RIPK4: variants seen among roughly 807,000 people sequenced by gnomAD.
RIPK4 encodes receptor-interacting serine/threonine-protein kinase 4.
Under a neutral mutation model 42.9 loss-of-function variants are expected in RIPK4, and 17 were observed. The observed-to-expected ratio is 0.40, with a 90% confidence interval of 0.27 to 0.59. The LOEUF (loss-of-function observed/expected upper bound fraction) is 0.59. RIPK4 is among the 20% of genes least tolerant of loss of function. The pLI, the probability that RIPK4 is intolerant of heterozygous loss-of-function variation, is 0.47. For synonymous variants in RIPK4, 498 were observed against 499.1 expected (o/e 1.00, Z 0.03); for missense variants, 897 against 1,104.4 (o/e 0.81, Z 2.66).
At chr21:41,763,836 C>T (rs570439051) in intron 1 of RIPK4, among the ~76,000 whole-genome samples, 18 of 152,318 alleles carry the variant, frequency 1.2e-4, no homozygotes, top group East Asian at 7.7e-4. Context: ...GCCGGCGCCC[C>T]GCAGGCACTG....
intron 1 of RIPK4, among the ~76,000 whole-genome samples, chr21:41,765,189 A>T (rs995226316): frequency 2.0e-5 from 3 of 152,212 alleles, no homozygotes; most frequent in African/African-American, 7.2e-5. Flanking sequence ...ATTTTCACTG[A>T]TGATTAAAGC....
At position 41,741,741 on chromosome 21, in the gene RIPK4, C is replaced by T. The variant is rs1414208136; in HGVS notation, c.1452G>A (p.Arg484=). Residue 484 remains arginine, a synonymous_variant, in exon 8 of 8, where the codon CGG becomes CGA. Coordinates refer to ENST00000332512, the MANE Select transcript of RIPK4 (RefSeq NM_020639.3). ...GCGCCAGCAGGAGCTCCACGACACC[C>T]CGCACCCTCCTCTCCACGGCCATGT... ...PLHMAVERRV[R]GVVELLLARK... The T allele has an allele frequency of 1.2e-6, 2 of 1,612,566 alleles. No individual in the cohort carries two copies. The highest frequency in any genetic ancestry group is 1.7e-6 in the Non-Finnish European group (2 of 1,180,018).
intron 1 of RIPK4, among the ~76,000 whole-genome samples, chr21:41,761,156 G>A (rs776548149): frequency 9.2e-4 from 140 of 152,306 alleles, no homozygotes; most frequent in Non-Finnish European, 1.7e-3. Context: ...GTCTCAGTGA[G>A]CATTGGGAAA....
chr21:41,755,338 T>A lies in RIPK4; in HGVS notation c.474+1187A>T, dbSNP rs948033826. 1.3e-5 allele frequency among the ~76,000 whole-genome samples: 2 copies of A among 152,224 alleles called. No homozygotes were observed. Among genetic ancestry groups the A allele is most frequent in the Non-Finnish European group, 2.9e-5 (2 of 68,042 alleles). On this transcript the variant is annotated intron_variant, in intron 2 of 7. Transcript: ENST00000332512. This position sits in a 1 kb window ranked among gnomAD's most constrained non-coding sequence, Gnocchi z 4.2. Reference sequence around the variant, plus strand: ...CAACACCTACCTAAGAGACAACTTATAATTACTGCCCGAAGTGAAAAATTG... The same window carrying A: ...CAACACCTACCTAAGAGACAACTTAAAATTACTGCCCGAAGTGAAAAATTG...
chr21:41,748,095 C>T (rs937802201), intron 4 of RIPK4, among the ~76,000 whole-genome samples: 2 of 152,338 alleles, frequency 1.3e-5, no homozygotes, highest in Admixed American at 1.3e-4. Flanking sequence ...GGAGAACGTA[C>T]AGAAGGCAAG....
chr21:41,744,999 C>T (rs535864381), intron 6 of RIPK4, among the ~76,000 whole-genome samples: 3 of 152,244 alleles, frequency 2.0e-5, no homozygotes, highest in East Asian at 3.9e-4. Flanking sequence ...TGGGACGGCT[C>T]GAGGTCCCGC....
At chr21:41,745,423 G>A (rs111667483) in intron 6 of RIPK4, among the ~76,000 whole-genome samples, 1,774 of 152,318 alleles carry the variant, frequency 0.012, 31 homozygotes, top group African/African-American at 0.038. Flanking sequence ...CGAGCCAGGG[G>A]TGCAAAGACA....
Position 41,751,371 on chromosome 21 carries a change from CGT to C in RIPK4, c.475-128_475-127del. 7.8e-7 allele frequency: 1 copy of C among 1,277,628 alleles called. No individual in the cohort carries two copies. Among genetic ancestry groups the C allele is most frequent in the Non-Finnish European group, 1.1e-6 (1 of 938,230 alleles). 79.1% of individuals were successfully genotyped at this position (1,277,628 alleles called of 1,614,324 possible). ...GAGCTTTCCAGGAGCCCCTAAGAGCCGTGTCTGTGCCTCTCCAGGTAGCCCTG... is the reference window on the plus strand; with the variant it reads ...GAGCTTTCCAGGAGCCCCTAAGAGCCGTCTGTGCCTCTCCAGGTAGCCCTG... On this transcript the variant is annotated intron_variant, in intron 2 of 7. Transcript: ENST00000332512. The surrounding 1 kb of genome is among the most constrained non-coding windows in gnomAD (Gnocchi z 4.5).
Position 41,744,063 on chromosome 21 carries a change from C to G in RIPK4, c.1014G>C (p.Gln338His). 1 of 1,612,770 alleles carries G rather than the reference C, an allele frequency of 6.2e-7. No individual in the cohort carries two copies. Among genetic ancestry groups the G allele is most frequent in the Non-Finnish European group, 8.5e-7 (1 of 1,179,736 alleles). The change falls in exon 7 of 8, where the codon CAG becomes CAC. Residue 338 changes from glutamine to histidine, a missense_variant. Gln to His is a conservative substitution (Grantham distance 24). Transcript: ENST00000332512. ...NDYSLSELLS[Q>H]LDSGVSQAVE... ...CAGCCTGGGAAACTCCAGAGTCCAG[C>G]TGTGAGAGCAGCTCGGAGAGGCTGT...
rs923064322 is a variant in RIPK4 at position 41,751,509 on chromosome 21, C to T, written c.475-264G>A. Among the ~76,000 whole-genome samples, 6 of 152,146 alleles carry T rather than the reference C, an allele frequency of 3.9e-5. No homozygotes were observed. The highest frequency in any genetic ancestry group is 8.8e-5 in the Non-Finnish European group (6 of 68,040). On this transcript the variant is annotated intron_variant, in intron 2 of 7. Transcript: ENST00000332512. The surrounding 1 kb of genome is among the most constrained non-coding windows in gnomAD (Gnocchi z 4.5). Reference sequence around the variant, plus strand: ...ATCGTACTGTAAGGAAGGAGTTATCCGGGACAGAACTGCAGAAGAATTAGA... The same window carrying T: ...ATCGTACTGTAAGGAAGGAGTTATCTGGGACAGAACTGCAGAAGAATTAGA...
chr21:41,741,344 A>T lies in RIPK4; in HGVS notation c.1849T>A (p.Tyr617Asn). Residue 617 changes from tyrosine to asparagine, a missense_variant, in exon 8 of 8, where the codon TAC becomes AAC. Coordinates refer to ENST00000332512, the MANE Select transcript of RIPK4 (RefSeq NM_020639.3). Reference protein sequence around the residue: ...PLHLAAQRGHYRVARILIDLC... With the variant: ...PLHLAAQRGHNRVARILIDLC... ...TCGATGAGGATGCGGGCCACGCGGT[A>T]GTGCCCGCGCTGTGCGGCCAGGTGC... 6.2e-7 allele frequency: 1 copy of T among 1,610,110 alleles called. No homozygotes were observed. Among genetic ancestry groups the T allele is most frequent in the Non-Finnish European group, 8.5e-7 (1 of 1,179,538 alleles).
At position 41,741,671 on chromosome 21, in the gene RIPK4, G is replaced by A; in HGVS notation, c.1522C>T (p.Leu508Phe). ...NAKDEDQWTALHFAAQNGDES... is the reference protein window; with the variant it reads ...NAKDEDQWTAFHFAAQNGDES... Reference sequence around the variant, plus strand: ...TCCCCGTTCTGGGCTGCAAAGTGGAGGGCTGTCCACTGGTCCTCATCCTTG... The same window carrying A: ...TCCCCGTTCTGGGCTGCAAAGTGGAAGGCTGTCCACTGGTCCTCATCCTTG... The change falls in exon 8 of 8, where the codon CTC becomes TTC. Residue 508 changes from leucine (L) to phenylalanine (F), a missense_variant. Coordinates refer to ENST00000332512, the MANE Select transcript of RIPK4 (RefSeq NM_020639.3). 1 of 1,613,736 alleles carries A rather than the reference G, an allele frequency of 6.2e-7. No individual in the cohort carries two copies. The highest frequency in any genetic ancestry group is 1.1e-5 in the South Asian group (1 of 91,086).
Position 41,767,012 on chromosome 21 carries a change from G to A in RIPK4, c.30C>T (p.Ala10=), listed in dbSNP as rs754505165. 36 of 1,589,732 alleles carry A rather than the reference G, an allele frequency of 2.3e-5. 1 individual carries two copies. The highest frequency in any genetic ancestry group is 2.8e-5 in the Non-Finnish European group (33 of 1,170,518). MEGDGGTPW[A]LALLRTFDAG... ...CGTCGAAGGTGCGCAGCAGCGCCAG[G>A]GCCCATGGGGTCCCGCCGTCGCCCT... is the stretch of plus-strand genomic sequence containing the variant. Residue 10 remains alanine, a synonymous_variant, in exon 1 of 8, where the codon GCC becomes GCT. Coordinates refer to ENST00000332512, the MANE Select transcript of RIPK4 (RefSeq NM_020639.3). This position sits in a 1 kb window ranked among gnomAD's most constrained non-coding sequence, Gnocchi z 4.0.
At chr21:41,759,514 G>A (rs2061214527) in intron 1 of RIPK4, among the ~76,000 whole-genome samples, 1 of 152,168 alleles carries the variant, frequency 6.6e-6, no homozygotes, top group Non-Finnish European at 1.5e-5. Context: ...GCCACGCAAG[G>A]CAGCTGGCTG....
chr21:41,743,532 G>GA (rs2061161001), intron 7 of RIPK4, among the ~76,000 whole-genome samples: 1 of 152,332 alleles, frequency 6.6e-6, no homozygotes, highest in East Asian at 1.9e-4. Flanking sequence ...TGCCACGCCC[G>GA]AGACAGGAGG....
At position 41,756,759 on chromosome 21, in the gene RIPK4, G is replaced by A; in HGVS notation, c.240C>T (p.Tyr80=). ...AKKMEMAKFR[Y]ILPVYGICRE... is the part of the protein sequence containing the mutation. ...GGCAGATGCCATACACAGGCAGGAT[G>A]TAGCGAAACTTGGCCATCTCCATCT... is the stretch of plus-strand genomic sequence containing the variant. Residue 80 remains tyrosine (Y), a synonymous_variant, in exon 2 of 8, where the codon TAC becomes TAT. Transcript: ENST00000332512. 3 of 1,614,186 alleles carry A rather than the reference G, an allele frequency of 1.9e-6. No individual in the cohort carries two copies. Among genetic ancestry groups the A allele is most frequent in the South Asian group, 1.1e-5 (1 of 91,092 alleles).
rs1200477445 is a variant in RIPK4, at chr21:41,744,011, T to G, written c.1066A>C (p.Ser356Arg). 1 of 1,612,722 alleles carries G rather than the reference T, an allele frequency of 6.2e-7. No homozygotes were observed. The highest frequency in any genetic ancestry group is 1.3e-5 in the African/African-American group (1 of 74,692). Residue 356 changes from serine (S) to arginine (R), a missense_variant, in exon 7 of 8, where the codon AGC becomes CGC. Coordinates refer to ENST00000332512, the MANE Select transcript of RIPK4 (RefSeq NM_020639.3). Reference sequence around the variant, plus strand: ...GATGGCAGCTTGGACTCAGAGGAGCTGCGGCTGAGCTCCTCGGGGCCCTCG... The same window carrying G: ...GATGGCAGCTTGGACTCAGAGGAGCGGCGGCTGAGCTCCTCGGGGCCCTCG... ...AVEGPEELSR[S>R]SSESKLPSSG...
intron 1 of RIPK4, among the ~76,000 whole-genome samples, chr21:41,766,201 C>A (rs1027843241): frequency 1.3e-5 from 2 of 152,228 alleles, no homozygotes; most frequent in Admixed American, 6.5e-5. Flanking sequence ...ACACCCCGGG[C>A]CCCGTGCCGG....
chr21:41,755,031 A>G lies in RIPK4; in HGVS notation c.474+1494T>C, dbSNP rs1165688985. ...GCATGTCCTTTCCGGTATTCAGTGC[A>G]CGTTGGACGGCAGAGCTTACTAGTC... is the stretch of plus-strand genomic sequence containing the variant. On this transcript the variant is annotated intron_variant, in intron 2 of 7. Transcript: ENST00000332512. This position sits in a 1 kb window ranked among gnomAD's most constrained non-coding sequence, Gnocchi z 4.2. Among the ~76,000 whole-genome samples the G allele has an allele frequency of 1.3e-5, 2 of 152,170 alleles. No homozygotes were observed. The highest frequency in any genetic ancestry group is 4.8e-5 in the African/African-American group (2 of 41,446).
Sources: gnomAD v4.1 joint callset for allele counts (sites outside exome capture counted in the v4.1 genomes callset) on GRCh38, gnomAD v4.1.1 for gene constraint, Gnocchi (gnomAD v3.1) non-coding constraint, MANE v1.5 for transcripts, NCBI Gene and HGNC (gene_info 2026-07-23, HGNC 2026-07-21) for gene names.